Variants in SGCZ observed in about 807,000 individuals in gnomAD.
SGCZ encodes sarcoglycan zeta.
SGCZ carries 40 observed loss-of-function variants against 41.3 expected under a neutral mutation model. The ratio of observed to expected loss-of-function variants is 0.97; its 90% CI spans 0.75 to 1.26. The LOEUF is 1.26. Among genes scored for constraint, SGCZ ranks in the 50% most tolerant of loss-of-function variants. The pLI is 0.00. For synonymous variants in SGCZ, 206 were observed against 137.5 expected, an observed-to-expected ratio of 1.50 and a Z score of -3.49; for missense variants, 552 against 369.8, an observed-to-expected ratio of 1.49 and a Z score of -4.04.
At chr8:14,438,900 T>C (rs1263706098) in intron 2 of SGCZ, among the ~76,000 whole-genome samples, 1 of 152,088 alleles carries the variant, frequency 6.6e-6, no homozygotes, top group African/African-American at 2.4e-5. Context: ...GAGTATATTA[T>C]AATGATCTTG....
intron 2 of SGCZ, among the ~76,000 whole-genome samples, chr8:14,377,095 G>C (rs1381423984): frequency 6.6e-6 from 1 of 152,114 alleles, no homozygotes; most frequent in Admixed American, 6.5e-5. Context: ...CCCCAGCATA[G>C]ACCGGGTTGC....
rs74273422 is a variant in SGCZ, at chr8:14,702,778, TAGACAGAC to T, written c.40-147860_40-147853del. ...ATAGATAGATAGATAGATAGATAGA[TAGACAGAC>T]AGACAGGCAGACAGGTAGGTAGTTA... On this transcript the variant is annotated intron_variant, in intron 1 of 7. Coordinates refer to ENST00000382080, the MANE Select transcript of SGCZ (RefSeq NM_139167.4). Among the ~76,000 whole-genome samples, 10 of 115,184 alleles carry T rather than the reference TAGACAGAC, an allele frequency of 8.7e-5. No individual in the cohort carries two copies. The South Asian group carries it at 1.6e-3, about 19-fold the overall frequency. 75.6% of individuals were successfully genotyped at this position (115,184 alleles called of 152,430 possible).
At chr8:14,495,051 C>T (rs1282703404) in intron 2 of SGCZ, among the ~76,000 whole-genome samples, 1 of 152,074 alleles carries the variant, frequency 6.6e-6, no homozygotes, top group Non-Finnish European at 1.5e-5. Context: ...ACATGCTCCC[C>T]AGTTGATTCT....
chr8:14,516,061 T>G (rs2064120305), intron 2 of SGCZ, among the ~76,000 whole-genome samples: 1 of 152,012 alleles, frequency 6.6e-6, no homozygotes. Flanking sequence ...AGACATAGTG[T>G]GGACTGATTT....
intron 1 of SGCZ, among the ~76,000 whole-genome samples, chr8:15,133,925 G>C (rs1303301659): frequency 6.6e-6 from 1 of 152,042 alleles, no homozygotes; most frequent in East Asian, 1.9e-4. Context: ...CCTGGTATTA[G>C]GCATCTATTT....
At chr8:14,356,350 T>A (rs945284240) in intron 2 of SGCZ, among the ~76,000 whole-genome samples, 1 of 152,168 alleles carries the variant, frequency 6.6e-6, no homozygotes, top group African/African-American at 2.4e-5. Context: ...CTGGTGTTTA[T>A]CAATGGAGTG....
At chr8:15,108,556 AG>A (rs1429743430) in intron 1 of SGCZ, among the ~76,000 whole-genome samples, 3 of 152,210 alleles carry the variant, frequency 2.0e-5, no homozygotes, top group Non-Finnish European at 4.4e-5. Context: ...TGGGTAAGAA[AG>A]GGTTTTCAAT....
chr8:14,413,945 G>T (rs897873111), intron 2 of SGCZ, among the ~76,000 whole-genome samples: 1 of 151,894 alleles, frequency 6.6e-6, no homozygotes, highest in Non-Finnish European at 1.5e-5. Context: ...TTACTTTTCT[G>T]CAAGACTGGT....
At chr8:15,229,103 A>T (rs572127150) in intron 1 of SGCZ, among the ~76,000 whole-genome samples, 1 of 152,084 alleles carries the variant, frequency 6.6e-6, no homozygotes, top group Non-Finnish European at 1.5e-5. Context: ...GAGGTGGGAG[A>T]ATCGCTTGAA....
At chr8:14,472,682 A>G (rs1410345073) in intron 2 of SGCZ, among the ~76,000 whole-genome samples, 1 of 152,136 alleles carries the variant, frequency 6.6e-6, no homozygotes, top group Non-Finnish European at 1.5e-5. Flanking sequence ...GTATTGCCCT[A>G]TTTAACTGGG....
At chr8:14,798,817 T>C (rs575491204) in intron 1 of SGCZ, among the ~76,000 whole-genome samples, 12 of 152,196 alleles carry the variant, frequency 7.9e-5, no homozygotes, top group African/African-American at 2.4e-4. Context: ...TAAAACTATG[T>C]CCATTTTAAA....
At chr8:14,734,840 A>T (rs1274162579) in intron 1 of SGCZ, among the ~76,000 whole-genome samples, 1 of 55,288 alleles carries the variant, frequency 1.8e-5, no homozygotes, top group African/African-American at 1.3e-4. Context: ...GTGGGTATTT[A>T]CCTTAATTTA....
chr8:14,123,544 C>T (rs952036875), intron 5 of SGCZ, among the ~76,000 whole-genome samples: 10 of 152,146 alleles, frequency 6.6e-5, no homozygotes, highest in Non-Finnish European at 7.4e-5. Flanking sequence ...TAATAGTTCA[C>T]ATCCAGAGCC....
At chr8:14,506,673 C>T (rs923104808) in intron 2 of SGCZ, among the ~76,000 whole-genome samples, 2 of 152,308 alleles carry the variant, frequency 1.3e-5, no homozygotes, top group East Asian at 1.9e-4. Context: ...GCCTGCCCTT[C>T]CCCATTTATA....
chr8:14,316,174 C>G (rs1201980514), intron 3 of SGCZ, among the ~76,000 whole-genome samples: 1 of 151,606 alleles, frequency 6.6e-6, no homozygotes, highest in African/African-American at 2.4e-5. Context: ...AACTTAAAGT[C>G]TCTCAATGAA....
intron 1 of SGCZ, among the ~76,000 whole-genome samples, chr8:14,607,744 G>C (rs1805798571): frequency 6.6e-6 from 1 of 152,132 alleles, no homozygotes; most frequent in African/African-American, 2.4e-5. Flanking sequence ...AAAGTATCCA[G>C]AGGAACAAGG....
At chr8:14,521,796 T>A (rs548297382) in intron 2 of SGCZ, among the ~76,000 whole-genome samples, 195 of 152,238 alleles carry the variant, frequency 1.3e-3, no homozygotes, top group African/African-American at 4.6e-3. Flanking sequence ...AACACTATGT[T>A]GAATAAGAGT....
intron 1 of SGCZ, among the ~76,000 whole-genome samples, chr8:14,965,841 G>C (rs1164439285): frequency 1.3e-5 from 2 of 151,890 alleles, no homozygotes. Context: ...AACTACAGCA[G>C]GGCAAATCTA....
chr8:14,230,618 A>G (rs4637829), intron 4 of SGCZ, among the ~76,000 whole-genome samples: 49,205 of 151,790 alleles, frequency 0.32, 8,307 homozygotes, highest in Non-Finnish European at 0.38. Flanking sequence ...ACATGAAAAT[A>G]CTCTCCATGA....
Sources: gnomAD v4.1 joint callset for allele counts (sites outside exome capture counted in the v4.1 genomes callset) on GRCh38, gnomAD v4.1.1 for gene constraint, MANE v1.5 for transcripts, NCBI Gene and HGNC (gene_info 2026-07-23, HGNC 2026-07-21) for gene names.